Variants in MYH7B observed in about 807,000 individuals in gnomAD.
MYH7B encodes the protein myosin-7B.
In MYH7B, 205 loss-of-function variants were observed where a neutral mutation model predicts 234.5. The ratio of observed to expected loss-of-function variants is 0.87; its 90% confidence interval spans 0.78 to 0.98. MYH7B has a LOEUF of 0.98. Among genes scored for constraint, MYH7B ranks in the 50% least tolerant of loss-of-function variants. The pLI is 0.00. For synonymous variants in MYH7B, 1,193 were observed against 1,105.0 expected (o/e 1.08, Z -1.58); for missense variants, 2,652 against 2,633.4 (o/e 1.01, Z -0.15).
intron 3 of MYH7B, among the ~76,000 whole-genome samples, chr20:34,976,982 T>C (rs2081862011): frequency 6.6e-6 from 1 of 152,136 alleles, no homozygotes; most frequent in Non-Finnish European, 1.5e-5. Flanking sequence ...CCCTATACCC[T>C]GAGTAGAGCC....
intron 15 of MYH7B, 74 bp downstream of exon 15, chr20:34,987,063 C>G: frequency 1.2e-6 from 2 of 1,608,340 alleles, no homozygotes; most frequent in South Asian, 2.2e-5. Flanking sequence ...GTGCCCCCAG[C>G]TGCATGAATG....
rs186471205 is a variant in MYH7B, at chr20:34,994,243, C to T, written c.2542C>T (p.Arg848Cys). The T allele has an allele frequency of 0.013, 20,542 of 1,613,138 alleles. 138 individuals carry two copies. The highest frequency in any genetic ancestry group is 0.015 in the Non-Finnish European group (17,182 of 1,179,918). ...CTTTTTCAAGATGAAGCCGCTGCTG[C>T]GCTCGGCGCAGGCTGAGGAGGAGCT... Residue 848 changes from arginine (R) to cysteine (C), a missense_variant, in exon 27 of 45, where the codon CGC (arginine) becomes TGC (cysteine). By Grantham distance (180) the Arg-to-Cys change is radical. Coordinates refer to ENST00000262873, the Ensembl canonical transcript of MYH7B.
Position 34,998,619 on chromosome 20 carries a change from AG to A in MYH7B, c.3985del (p.Glu1329LysfsTer107), listed in dbSNP as rs781036570. Reference sequence around the variant, plus strand: ...GAAGAGTTGCGGCGCCAGCTAGAGGAGGAAAGCAAGGTGGGCTGGCACCGGT... The same window carrying A: ...GAAGAGTTGCGGCGCCAGCTAGAGGAGAAAGCAAGGTGGGCTGGCACCGGT... On this transcript the variant is annotated frameshift_variant, in exon 34 of 45. Transcript: ENST00000262873. LOFTEE classifies it high-confidence loss of function. 13 of 1,613,078 alleles carry A rather than the reference AG, an allele frequency of 8.1e-6. No homozygotes were observed. Among genetic ancestry groups the A allele is most frequent in the Admixed American group, 3.3e-5 (2 of 60,012 alleles).
At chr20:34,994,568 C>T (rs1378394302) in intron 27 of MYH7B, among the ~76,000 whole-genome samples, 167 bp downstream of exon 27, 6 of 152,186 alleles carry the variant, frequency 3.9e-5, no homozygotes, top group Non-Finnish European at 5.9e-5. Flanking sequence ...CCCAAGGCCT[C>T]GTCTGGCACG....
chr20:34,965,852 C>A (rs1392693922), intron 2 of MYH7B, among the ~76,000 whole-genome samples: 4 of 152,116 alleles, frequency 2.6e-5, no homozygotes, highest in African/African-American at 9.7e-5. Context: ...CTCAGAAGGC[C>A]ACTGTATCTG....
In MYH7B at chr20:35,000,471, C is replaced by T. The variant is rs773323275; in HGVS notation, c.4960C>T (p.Gln1654Ter). 6.2e-7 allele frequency: 1 copy of T among 1,601,734 alleles called. No homozygotes were observed. Residue 1654 changes from glutamine (Q) to a stop codon, truncating the protein, a stop_gained, in exon 39 of 45, where the codon CAG becomes TAG. Transcript: ENST00000262873. LOFTEE classifies it high-confidence loss of function. The stretch of plus-strand genomic sequence containing the variant: ...GGCCCAGGCTGCCACGCGGCTGATG[C>T]AGGCACAGCTCAAGGAGGAGCAGGC...
rs1225278378 is a variant in MYH7B, at chr20:35,000,905, C to G, written c.5304+12C>G. 1.5e-5 allele frequency: 16 copies of G among 1,063,926 alleles called. No homozygotes were observed. The highest frequency in any genetic ancestry group is 2.0e-5 in the Non-Finnish European group (16 of 783,332). 65.9% of individuals were successfully genotyped at this position (1,063,926 alleles called of 1,614,324 possible). A position where few individuals can be genotyped will look rare whatever the true frequency, so the allele number is the denominator to read the frequency against. Reference sequence around the variant, plus strand: ...AGGCCATCACTGATGTGAGGCTGGGCAAGGGCTGTGGGGAGCCTGGGACAG... The same window carrying G: ...AGGCCATCACTGATGTGAGGCTGGGGAAGGGCTGTGGGGAGCCTGGGACAG... On this transcript the variant is annotated intron_variant, in intron 40 of 44. Coordinates refer to ENST00000262873, the Ensembl canonical transcript of MYH7B.
At chr20:34,990,822 C>A in exon 23 of MYH7B, 1 of 1,614,212 alleles carries the variant, frequency 6.2e-7, no homozygotes. Flanking sequence ...GAACAAAACC[C>A]CAGGTAGTCA....
intron 32 of MYH7B, 108 bp downstream of exon 32, chr20:34,997,748 C>G (rs1569060636): frequency 1.3e-5 from 17 of 1,346,936 alleles, no homozygotes; most frequent in Non-Finnish European, 1.6e-5. Context: ...TTATCCTGAG[C>G]CCTGACCTCT....
intron 17 of MYH7B, 38 bp from the exon 18 acceptor site, chr20:34,987,727 C>T (rs752358189): frequency 1.9e-6 from 3 of 1,613,420 alleles, no homozygotes; most frequent in East Asian, 4.5e-5. Context: ...AGGGTCCCCT[C>T]CTTGCCAGGT....
In MYH7B at chr20:34,988,021, C is replaced by A. The variant is rs2082063017; in HGVS notation, c.1417-71C>A. ...TCTGCCTGGAAGTTGGGGGTGAACT[C>A]ATGCCCCTCCCCGGGCCTCCCTTTC... On this transcript the variant is annotated intron_variant, in intron 18 of 44. Transcript: ENST00000262873. 6 of 1,575,070 alleles carry A rather than the reference C, an allele frequency of 3.8e-6. No homozygotes were observed. In the South Asian group the frequency reaches 7.2e-5, roughly 19 times the overall value.
intron 24 of MYH7B, among the ~76,000 whole-genome samples, chr20:34,992,619 G>A (rs1230081139): frequency 2.9e-5 from 4 of 138,436 alleles, no homozygotes; most frequent in Non-Finnish European, 6.1e-5. Flanking sequence ...GGAGTGCAGT[G>A]GCAGGATCTT....
chr20:34,991,177 C>G, intron 24 of MYH7B, 56 bp downstream of exon 24: 1 of 1,257,076 alleles, frequency 8.0e-7, no homozygotes, highest in South Asian at 1.3e-5. Flanking sequence ...AGGGGCTGGG[C>G]AGGACACACA....
Position 35,001,238 on chromosome 20 carries a change from C to A in MYH7B, c.5476-7C>A. On this transcript the variant is annotated splice_region_variant and splice_polypyrimidine_tract_variant and intron_variant, in intron 41 of 44. Transcript: ENST00000262873. ...GGCTTGGCATCAGGCTGTCCCCCTGCCTGCAGGTACGGGAGCTGGAGGCTG... is the reference window on the plus strand; with the variant it reads ...GGCTTGGCATCAGGCTGTCCCCCTGACTGCAGGTACGGGAGCTGGAGGCTG... 2 of 1,608,562 alleles carry A rather than the reference C, an allele frequency of 1.2e-6. No individual in the cohort carries two copies. Among genetic ancestry groups the A allele is most frequent in the South Asian group, 1.1e-5 (1 of 90,456 alleles).
At chr20:34,968,169 GC>G (rs2081760310) in intron 2 of MYH7B, among the ~76,000 whole-genome samples, 1 of 152,200 alleles carries the variant, frequency 6.6e-6, no homozygotes, top group African/African-American at 2.4e-5. Context: ...TACGTAACTT[GC>G]CCAGGGTCAC....
intron 32 of MYH7B, 116 bp downstream of exon 32, chr20:34,997,756 T>C: frequency 7.9e-7 from 1 of 1,260,050 alleles, no homozygotes; most frequent in South Asian, 1.5e-5. Flanking sequence ...AGCCCTGACC[T>C]CTTCACCTGG....
intron 9 of MYH7B, chr20:34,982,058 T>A: frequency 5.9e-6 from 1 of 168,498 alleles, no homozygotes; most frequent in Admixed American, 5.8e-5. Flanking sequence ...AAATAAAAAA[T>A]CCTACCTACC....
At position 34,989,732 on chromosome 20, in the gene MYH7B, G is replaced by T. The variant is rs1342308541; in HGVS notation, c.1588-8G>T. 6.2e-7 allele frequency: 1 copy of T among 1,612,958 alleles called. No homozygotes were observed. The highest frequency in any genetic ancestry group is 1.3e-5 in the African/African-American group (1 of 74,904). On this transcript the variant is annotated splice_polypyrimidine_tract_variant and splice_region_variant and intron_variant, in intron 19 of 44. Coordinates refer to ENST00000262873, the Ensembl canonical transcript of MYH7B. ...GATGGTGGCTTTTCAAGCTCGTTCT[G>T]TTCCCAGCCACTGGGCATCCTGTCC...
At chr20:34,957,409 A>G (rs2081650053) in intron 1 of MYH7B, among the ~76,000 whole-genome samples, 1 of 152,122 alleles carries the variant, frequency 6.6e-6, no homozygotes, top group African/African-American at 2.4e-5. Flanking sequence ...CGAACAGATC[A>G]AAGAAATTTA....
Sources: gnomAD v4.1 joint callset for allele counts (sites outside exome capture counted in the v4.1 genomes callset) on GRCh38, gnomAD v4.1.1 for gene constraint, MANE v1.5 for transcripts, NCBI Gene and HGNC (gene_info 2026-07-23, HGNC 2026-07-21) for gene names.